UNC13C: variants seen among roughly 807,000 people sequenced by gnomAD.
UNC13C encodes unc-13 homolog C.
A neutral mutation model predicts 245.4 loss-of-function variants in UNC13C; 174 were observed. The ratio of observed to expected loss-of-function variants is 0.71; its 90% CI spans 0.63 to 0.80. The LOEUF is 0.80. Ranked by LOEUF, UNC13C falls within the 30% of genes least tolerant of loss-of-function variation. The pLI is 0.00. For missense variants in UNC13C, 2,829 were observed against 2,602.9 expected (o/e 1.09, Z -1.89); for synonymous variants, 992 against 895.1 (o/e 1.11, Z -1.93).
At chr15:53,944,853 G>T in the UNC13C span, among the ~76,000 whole-genome samples, 2 of 151,810 alleles carry the variant, frequency 1.3e-5, no homozygotes, top group African/African-American at 4.8e-5. Context: ...CACTGCTTTT[G>T]ATGGTTGAAT....
At chr15:54,458,431 G>A (rs117318049) in intron 19 of UNC13C, among the ~76,000 whole-genome samples, 4,626 of 152,040 alleles carry the variant, frequency 0.03, 178 homozygotes, top group Admixed American at 0.12. Flanking sequence ...TAAGTCCATT[G>A]TTTCTTTGTT....
Position 54,619,534 on chromosome 15 carries a change from T to C in UNC13C, c.6107-2793T>C, listed in dbSNP as rs527803604. Among the ~76,000 whole-genome samples, 792 of 152,308 alleles carry C rather than the reference T, an allele frequency of 5.2e-3. 6 individuals carry two copies. The highest frequency in any genetic ancestry group is 0.018 in the African/African-American group (764 of 41,562). The stretch of plus-strand genomic sequence containing the variant: ...AACAGGAACACAGTGACCATTCACC[T>C]GCTTTGAAAGAAGAGACTGGTCACT... On this transcript the variant is annotated intron_variant, in intron 30 of 32. Transcript: ENST00000260323.
intron 1 of UNC13C, among the ~76,000 whole-genome samples, chr15:54,009,766 C>G (rs1005722619): frequency 1.3e-5 from 2 of 152,040 alleles, no homozygotes; most frequent in African/African-American, 4.8e-5. Flanking sequence ...AGGATGATCT[C>G]GAATTCCTGA....
intron 10 of UNC13C, among the ~76,000 whole-genome samples, chr15:54,271,674 G>A (rs1037904794): frequency 1.3e-5 from 2 of 152,142 alleles, no homozygotes; most frequent in Non-Finnish European, 2.9e-5. Flanking sequence ...AGTTGAGGTA[G>A]GTCATAAAGC....
At chr15:54,597,056 T>C (rs1388284498) in intron 30 of UNC13C, among the ~76,000 whole-genome samples, 2 of 152,174 alleles carry the variant, frequency 1.3e-5, no homozygotes, top group Non-Finnish European at 2.9e-5. Context: ...GAGACTGGTT[T>C]CATCTTGGGC....
At chr15:54,573,698 T>C (rs1004280842) in intron 30 of UNC13C, among the ~76,000 whole-genome samples, 11 of 152,212 alleles carry the variant, frequency 7.2e-5, no homozygotes, top group African/African-American at 2.4e-4. Flanking sequence ...AGGAGACATA[T>C]GGCAATATCT....
chr15:54,419,306 G>T (rs940812407), intron 19 of UNC13C, among the ~76,000 whole-genome samples: 5 of 152,084 alleles, frequency 3.3e-5, no homozygotes, highest in Admixed American at 1.3e-4. Flanking sequence ...GTAATCAAAT[G>T]GAAAGAACAG....
chr15:54,559,274 G>A (rs1038535920), intron 29 of UNC13C, among the ~76,000 whole-genome samples: 1 of 151,894 alleles, frequency 6.6e-6, no homozygotes, highest in African/African-American at 2.4e-5. Flanking sequence ...AGGACTCCAG[G>A]CAAACATAAG....
chr15:54,284,223 C>CA (rs1172349010), intron 10 of UNC13C, among the ~76,000 whole-genome samples: 2 of 152,172 alleles, frequency 1.3e-5, no homozygotes, highest in African/African-American at 4.8e-5. Flanking sequence ...ATCAAACATA[C>CA]ATCCAAAGTG....
intron 17 of UNC13C, among the ~76,000 whole-genome samples, chr15:54,352,223 C>T (rs892805685): frequency 6.7e-6 from 1 of 149,634 alleles, no homozygotes; most frequent in Admixed American, 6.7e-5. Flanking sequence ...TAGTTATTCT[C>T]ATAGTTTTGA....
intron 30 of UNC13C, among the ~76,000 whole-genome samples, chr15:54,581,850 A>T (rs982511012): frequency 3.3e-5 from 5 of 152,190 alleles, no homozygotes; most frequent in African/African-American, 1.2e-4. Context: ...CTAAAGAGTC[A>T]ATAGGGCAAG....
At chr15:53,906,528 C>A in the UNC13C span, among the ~76,000 whole-genome samples, 2 of 152,162 alleles carry the variant, frequency 1.3e-5, no homozygotes, top group African/African-American at 4.8e-5. Flanking sequence ...CCCCTGTCTC[C>A]CTTTTTGCAT....
intron 2 of UNC13C, among the ~76,000 whole-genome samples, chr15:54,124,909 T>A (rs1375541039): frequency 1.3e-5 from 2 of 152,180 alleles, no homozygotes; most frequent in Non-Finnish European, 2.9e-5. Flanking sequence ...TCCATTGAAT[T>A]GCTTTTGAAT....
At chr15:53,861,076 T>C in the UNC13C span, among the ~76,000 whole-genome samples, 3 of 152,334 alleles carry the variant, frequency 2.0e-5, no homozygotes, top group East Asian at 3.9e-4. Context: ...TAGAATGACA[T>C]CATTCTGAAT....
chr15:54,296,175 G>C (rs1034910490), intron 11 of UNC13C, among the ~76,000 whole-genome samples: 1 of 151,902 alleles, frequency 6.6e-6, no homozygotes, highest in Admixed American at 6.6e-5. Flanking sequence ...CATTTCTCTT[G>C]GCCCCAGCAG....
the UNC13C span, among the ~76,000 whole-genome samples, chr15:53,839,072 T>A: frequency 6.6e-6 from 1 of 151,886 alleles, no homozygotes; most frequent in Non-Finnish European, 1.5e-5. Flanking sequence ...ATATCGTATA[T>A]ATGTGTTTCT....
intron 4 of UNC13C, among the ~76,000 whole-genome samples, chr15:54,202,962 T>C (rs528659032): frequency 2.0e-5 from 3 of 151,600 alleles, no homozygotes; most frequent in African/African-American, 7.2e-5. Context: ...ACTCGAACAA[T>C]TCAGCAAGGA....
intron 1 of UNC13C, among the ~76,000 whole-genome samples, chr15:53,994,830 A>T (rs560066776): frequency 6.6e-6 from 1 of 152,234 alleles, no homozygotes; most frequent in African/African-American, 2.4e-5. Flanking sequence ...TAGTATTTTT[A>T]AAATAAAAAA....
intron 1 of UNC13C, among the ~76,000 whole-genome samples, chr15:54,008,855 G>A (rs1258850884): frequency 6.6e-6 from 1 of 152,130 alleles, no homozygotes; most frequent in African/African-American, 2.4e-5. Context: ...GCTTTGTTTA[G>A]CTGTGCAGTT....
Sources: gnomAD v4.1 joint callset for allele counts (sites outside exome capture counted in the v4.1 genomes callset) on GRCh38, gnomAD v4.1.1 for gene constraint, MANE v1.5 for transcripts, NCBI Gene and HGNC (gene_info 2026-07-23, HGNC 2026-07-21) for gene names.